GCNT4: variants seen among roughly 807,000 people sequenced by gnomAD.
GCNT4 encodes the protein beta-1,3-galactosyl-O-glycosyl-glycoprotein beta-1,6-N-acetylglucosaminyltransferase 4.
A neutral mutation model predicts 31.3 loss-of-function variants in GCNT4; 17 were observed. The ratio of observed to expected loss-of-function variants is 0.54; its 90% CI spans 0.37 to 0.81. The LOEUF (loss-of-function observed/expected upper bound fraction) is 0.81. Among genes scored for constraint, GCNT4 ranks in the 40% least tolerant of loss-of-function variants. The pLI is 0.00. For synonymous variants in GCNT4, 158 were observed against 190.6 expected (o/e 0.83, Z 1.41); for missense variants, 503 against 525.5 (o/e 0.96, Z 0.42).
At chr5:75,033,844 A>AC (rs1388160538) in intron 3 of GCNT4, among the ~76,000 whole-genome samples, 3 of 149,056 alleles carry the variant, frequency 2.0e-5, no homozygotes, top group Non-Finnish European at 4.5e-5. Flanking sequence ...CTTGCTCCTC[A>AC]CCCCCCGATA....
chr5:75,020,321 G>A, the GCNT4 span, among the ~76,000 whole-genome samples: 1 of 152,234 alleles, frequency 6.6e-6, no homozygotes, highest in Non-Finnish European at 1.5e-5. Context: ...TGCCCAGAGA[G>A]AGAGTAATGC....
downstream of GCNT4, among the ~76,000 whole-genome samples, chr5:75,022,321 A>G (rs1019704205): frequency 6.6e-6 from 1 of 152,232 alleles, no homozygotes; most frequent in Non-Finnish European, 1.5e-5. Context: ...TACCTCTTCA[A>G]CAATGTAGAG....
At chr5:75,025,021 G>A (rs1336710410), downstream of GCNT4, among the ~76,000 whole-genome samples, 1 of 149,414 alleles carries the variant, frequency 6.7e-6, no homozygotes, top group Non-Finnish European at 1.5e-5. Flanking sequence ...AGGGACCTGA[G>A]ATAAAAAGTT....
In GCNT4 at chr5:75,037,218, T is replaced by C. The variant is rs79201700; in HGVS notation, c.-1-7180A>G. ...AATGAAGTCACTGATTCTCCCTTGG[T>C]GACTCGCTCACTGCCAAGCCCAGGG... On this transcript the variant is annotated intron_variant, in intron 3 of 3. Coordinates refer to ENST00000652361, the MANE Select transcript of GCNT4 (RefSeq NM_001366737.1). 7.8e-3 allele frequency among the ~76,000 whole-genome samples: 1,188 copies of C among 152,268 alleles called. 12 individuals are homozygous for C. Among genetic ancestry groups the C allele is most frequent in the African/African-American group, 0.027 (1,133 of 41,546 alleles).
chr5:75,031,911 C>T (rs765729535), intron 3 of GCNT4, among the ~76,000 whole-genome samples: 1 of 152,092 alleles, frequency 6.6e-6, no homozygotes, highest in Non-Finnish European at 1.5e-5. Context: ...CACCCCTGTG[C>T]AATTTCCTAA....
At chr5:75,022,375 TA>T (rs1742890181), downstream of GCNT4, among the ~76,000 whole-genome samples, 2 of 152,212 alleles carry the variant, frequency 1.3e-5, no homozygotes, top group South Asian at 4.1e-4. Context: ...AACTTTTAAC[TA>T]TAGTGTCTTA....
At chr5:75,023,717 G>C (rs1742908513), downstream of GCNT4, 1 of 152,188 alleles carries the variant, frequency 6.6e-6, no homozygotes. Context: ...TAATGCTTTT[G>C]TCAGGATGTT....
At chr5:75,041,776 A>G (rs991415575) in intron 3 of GCNT4, among the ~76,000 whole-genome samples, 1 of 152,334 alleles carries the variant, frequency 6.6e-6, no homozygotes, top group Middle Eastern at 3.4e-3. Flanking sequence ...GCTTTATTTC[A>G]TCTGGTCCAC....
At chr5:75,037,489 C>T (rs761850732) in intron 3 of GCNT4, among the ~76,000 whole-genome samples, 2 of 152,200 alleles carry the variant, frequency 1.3e-5, no homozygotes, top group Non-Finnish European at 2.9e-5. Context: ...AAATCCAATA[C>T]AAATTGAGGA....
chr5:75,028,237 A>AT lies in GCNT4; in HGVS notation c.*438_*439insA. ...AGACAAGTGGAGTGTTGGTCACAGT[A>AT]CTTAAACACTACTCTGAAATGGGTG... On this transcript the variant is annotated 3_prime_UTR_variant, in exon 4 of 4. Coordinates refer to ENST00000652361, the MANE Select transcript of GCNT4 (RefSeq NM_001366737.1). The AT allele has an allele frequency of 1.2e-5, 2 of 161,222 alleles. No individual in the cohort carries two copies. Among genetic ancestry groups the AT allele is most frequent in the East Asian group, 1.8e-4 (1 of 5,434 alleles). The allele number at this position is 161,222 out of a possible 1,614,324, so 10.0% of individuals were successfully genotyped here. A position where few individuals can be genotyped will look rare whatever the true frequency, so the allele number is the denominator to read the frequency against.
chr5:75,027,318 AT>A lies in GCNT4; in HGVS notation c.*1357del, dbSNP rs1385103060. 8.7e-5 allele frequency: 5 copies of A among 57,236 alleles called. No individual in the cohort carries two copies. The highest frequency in any genetic ancestry group is 4.1e-4 in the Admixed American group (2 of 4,924). The allele number at this position is 57,236 out of a possible 1,614,324, so 3.5% of individuals were successfully genotyped here. A position where few individuals can be genotyped will look rare whatever the true frequency, so the allele number is the denominator to read the frequency against. On this transcript the variant is annotated 3_prime_UTR_variant, in exon 4 of 4. Transcript: ENST00000652361. The stretch of plus-strand genomic sequence containing the variant: ...TATATATATATAATTATATGTATAT[AT>A]AATATATATTCATATACAATATATG...
At chr5:75,041,510 C>T (rs768813603) in intron 3 of GCNT4, among the ~76,000 whole-genome samples, 1 of 152,216 alleles carries the variant, frequency 6.6e-6, no homozygotes, top group Admixed American at 6.5e-5. Flanking sequence ...ATAATTCTAT[C>T]AACCACCTCT....
At chr5:75,042,367 T>C (rs1270025300) in intron 3 of GCNT4, among the ~76,000 whole-genome samples, 2 of 152,206 alleles carry the variant, frequency 1.3e-5, no homozygotes, top group African/African-American at 4.8e-5. Context: ...AATATCTACA[T>C]GGTATGCTTT....
rs376620316 is a variant in GCNT4 at position 75,029,119 on chromosome 5, A to C, written c.919T>G (p.Leu307Val). 4.3e-6 allele frequency: 7 copies of C among 1,613,984 alleles called. No individual in the cohort carries two copies. Among genetic ancestry groups the C allele is most frequent in the Non-Finnish European group, 5.1e-6 (6 of 1,180,018 alleles). The part of the protein sequence containing the change: ...QIFVGSAYFV[L>V]SQAFVKYIFN... ...ATATATTTAACAAATGCTTGACTTA[A>C]AACAAAATAAGCACTGCCAACAAAT... The change falls in exon 4 of 4, where the codon TTA (leucine) becomes GTA (valine). Residue 307 changes from leucine (L) to valine (V), a missense_variant. Transcript: ENST00000652361.
intron 3 of GCNT4, among the ~76,000 whole-genome samples, chr5:75,034,839 TCTCCCAACCCATCCAGG>T (rs1466611022): frequency 1.3e-5 from 2 of 152,202 alleles, no homozygotes; most frequent in Non-Finnish European, 2.9e-5. Context: ...ACCATGTTCT[TCTCCCAACCCATCCAGG>T]CATTGTTGGA....
intron 2 of GCNT4, among the ~76,000 whole-genome samples, chr5:75,049,212 T>C (rs116537256): frequency 0.013 from 1,958 of 152,340 alleles, 37 homozygotes; most frequent in African/African-American, 0.044. Flanking sequence ...GTGTTTCTTA[T>C]TAGTTCAGCT....
rs1450165517 is a variant in GCNT4 at position 75,029,555 on chromosome 5, G to A, written c.483C>T (p.Cys161=). 1 of 1,614,138 alleles carries A rather than the reference G, an allele frequency of 6.2e-7. No homozygotes were observed. The highest frequency in any genetic ancestry group is 2.2e-5 in the East Asian group (1 of 44,876). The part of the protein sequence containing the change: ...HAIYNQHNIY[C]IHYDRKAPDT... ...CAGGTGCCTTACGATCATAATGGAT[G>A]CAGTAAATATTGTGCTGGTTGTATA... Residue 161 remains cysteine (C), a synonymous_variant, in exon 4 of 4, where the codon TGC becomes TGT. Transcript: ENST00000652361.
chr5:75,046,189 ATG>A (rs1743433871), intron 3 of GCNT4, among the ~76,000 whole-genome samples: 2 of 152,142 alleles, frequency 1.3e-5, no homozygotes, highest in Admixed American at 1.3e-4. Context: ...ATCTGCCATT[ATG>A]TCTCTCTGAA....
In GCNT4 at chr5:75,042,050, GT is replaced by G. The variant is rs541261643; in HGVS notation, c.-2+5846del. Among the ~76,000 whole-genome samples, 11 of 152,224 alleles carry G rather than the reference GT, an allele frequency of 7.2e-5. No individual in the cohort carries two copies. In the South Asian group the frequency reaches 2.3e-3, roughly 32 times the overall value. ...TTTGATGAAAAAGCTCACATGAAACGTTTGCTTCTTTTTAGATATAAAGGAT... is the reference window on the plus strand; with the variant it reads ...TTTGATGAAAAAGCTCACATGAAACGTTGCTTCTTTTTAGATATAAAGGAT... On this transcript the variant is annotated intron_variant, in intron 3 of 3. Coordinates refer to ENST00000652361, the MANE Select transcript of GCNT4 (RefSeq NM_001366737.1).
Sources: gnomAD v4.1 joint callset for allele counts (sites outside exome capture counted in the v4.1 genomes callset) on GRCh38, gnomAD v4.1.1 for gene constraint, MANE v1.5 for transcripts, NCBI Gene and HGNC (gene_info 2026-07-23, HGNC 2026-07-21) for gene names.